Variants in RGL1 observed in about 807,000 individuals in gnomAD.
RGL1 encodes the protein ral guanine nucleotide dissociation stimulator like 1.
Under a neutral mutation model 95.2 loss-of-function variants are expected in RGL1, and 24 were observed. That is an observed-to-expected ratio of 0.25 (90% CI 0.18 to 0.35). The LOEUF (loss-of-function observed/expected upper bound fraction) is 0.35. Among genes scored for constraint, RGL1 ranks in the 10% least tolerant of loss-of-function variants. The probability of loss-of-function intolerance (pLI) is 1.00; values close to 1 mark genes in which losing one functional copy is unlikely to be tolerated. For synonymous variants in RGL1, 329 were observed against 344.9 expected (o/e 0.95, Z 0.51); for missense variants, 715 against 936.3 (o/e 0.76, Z 3.08).
chr1:183,735,294 C>T (rs1656872787), intron 1 of RGL1, among the ~76,000 whole-genome samples: 3 of 152,168 alleles, frequency 2.0e-5, no homozygotes, highest in African/African-American at 7.2e-5. Context: ...TTTGGAGACA[C>T]TATATAATTA....
intron 1 of RGL1, among the ~76,000 whole-genome samples, chr1:183,641,384 C>T (rs1190324998): frequency 6.6e-6 from 1 of 152,218 alleles, no homozygotes; most frequent in Non-Finnish European, 1.5e-5. Flanking sequence ...ATCTGCCAGC[C>T]TCGGCCTCTC....
At chr1:183,864,065 C>A (rs1558256860) in intron 3 of RGL1, among the ~76,000 whole-genome samples, 1 of 152,142 alleles carries the variant, frequency 6.6e-6, no homozygotes, top group African/African-American at 2.4e-5. Flanking sequence ...CACCTCAGCT[C>A]TGAGTCTGAA....
intron 3 of RGL1, among the ~76,000 whole-genome samples, chr1:183,861,749 C>T (rs1020492714): frequency 6.6e-6 from 1 of 152,186 alleles, no homozygotes; most frequent in Non-Finnish European, 1.5e-5. Flanking sequence ...CCTAGGGAGG[C>T]TTTGCAGAAA....
intron 2 of RGL1, among the ~76,000 whole-genome samples, chr1:183,743,775 AC>A (rs34055777): frequency 0.46 from 69,294 of 151,974 alleles, 16,882 homozygotes; most frequent in East Asian, 0.8. Context: ...TGGAATCATA[AC>A]AAGTGGAAAT....
chr1:183,741,076 A>G (rs1657269696), intron 1 of RGL1, among the ~76,000 whole-genome samples: 1 of 152,188 alleles, frequency 6.6e-6, no homozygotes, highest in Non-Finnish European at 1.5e-5. Flanking sequence ...CACCAGATGT[A>G]TCTGGGGTCC....
At chr1:183,867,552 T>C (rs113671891) in intron 4 of RGL1, among the ~76,000 whole-genome samples, 308 of 151,306 alleles carry the variant, frequency 2.0e-3, no homozygotes, top group African/African-American at 7.3e-3. Flanking sequence ...GGGGATGAAG[T>C]GGGGACAGTG....
chr1:183,732,736 C>T (rs956869882), intron 1 of RGL1, among the ~76,000 whole-genome samples: 2 of 152,100 alleles, frequency 1.3e-5, no homozygotes, highest in Non-Finnish European at 2.9e-5. Flanking sequence ...ATGAGAAAGC[C>T]AGGCTTGGTT....
chr1:183,790,030 C>CCTGCCTCA, intron 2 of RGL1, among the ~76,000 whole-genome samples: 1 of 152,000 alleles, frequency 6.6e-6, no homozygotes, highest in South Asian at 2.1e-4. Flanking sequence ...AAGCGATTCT[C>CCTGCCTCA]CTGCCTCAGC....
chr1:183,909,224 T>A (rs180987310), intron 14 of RGL1, among the ~76,000 whole-genome samples: 1 of 152,374 alleles, frequency 6.6e-6, no homozygotes, highest in Non-Finnish European at 1.5e-5. Flanking sequence ...TTTCATGATC[T>A]TCTTAGCATG....
At chr1:183,892,229 G>A (rs1355939207) in intron 9 of RGL1, 68 bp downstream of exon 9, 4 of 1,158,600 alleles carry the variant, frequency 3.5e-6, no homozygotes, top group African/African-American at 1.5e-5. Context: ...AGGAAGAGTA[G>A]TGTGAGGGCT....
intron 8 of RGL1, among the ~76,000 whole-genome samples, chr1:183,889,151 AC>A (rs1255226026): frequency 6.6e-6 from 1 of 152,100 alleles, no homozygotes; most frequent in Non-Finnish European, 1.5e-5. Flanking sequence ...ATAATTAACA[AC>A]TTGGTTTCCT....
At chr1:183,766,047 G>A (rs186590551) in intron 2 of RGL1, among the ~76,000 whole-genome samples, 185 of 151,650 alleles carry the variant, frequency 1.2e-3, no homozygotes, top group African/African-American at 4.1e-3. Context: ...AAACCTGCAC[G>A]TTGTGCATAT....
rs534786022 is a variant in RGL1, at chr1:183,790,097, T to A, written c.133-16278T>A. Among the ~76,000 whole-genome samples the A allele has an allele frequency of 2.2e-4, 33 of 151,912 alleles. No homozygotes were observed. In the East Asian group the frequency reaches 2.7e-3, roughly 13 times the overall value. ...CACCACACCCAGCTAATTTTTTTTT[T>A]AATTTTTTGGTAGAGGTGGGGTTTC... On this transcript the variant is annotated intron_variant, in intron 2 of 18. Coordinates refer to the RGL1 transcript ENST00000304685.
intron 2 of RGL1, among the ~76,000 whole-genome samples, chr1:183,821,140 T>TAAA (rs1662462198): frequency 6.6e-6 from 1 of 151,734 alleles, no homozygotes; most frequent in Non-Finnish European, 1.5e-5. Flanking sequence ...TCTAAAATAA[T>TAAA]AATAATAATA....
chr1:183,692,192 G>C (rs900108678), intron 1 of RGL1, among the ~76,000 whole-genome samples: 5 of 152,192 alleles, frequency 3.3e-5, no homozygotes, highest in Non-Finnish European at 1.5e-5. Context: ...GAGGAATGTA[G>C]TATCTTCAGA....
intron 1 of RGL1, among the ~76,000 whole-genome samples, chr1:183,710,581 G>C (rs1655200434): frequency 6.6e-6 from 1 of 152,128 alleles, no homozygotes; most frequent in Non-Finnish European, 1.5e-5. Context: ...AGGTTTAATT[G>C]ACTCATAGTT....
intron 1 of RGL1, among the ~76,000 whole-genome samples, chr1:183,734,752 A>G (rs1656828012): frequency 6.6e-6 from 1 of 152,212 alleles, no homozygotes; most frequent in African/African-American, 2.4e-5. Flanking sequence ...TAATTACTGA[A>G]CTTTTTATCG....
In RGL1 at chr1:183,686,933, T is replaced by C. The variant is rs556582428; in HGVS notation, c.-33+50432T>C. On this transcript the variant is annotated intron_variant, in intron 1 of 18. Transcript: ENST00000304685. ...CCCAAAGACTTCTCCATTTTAGCTATTGGCATCATTAGCTATCCATTTGCC... is the reference window on the plus strand; with the variant it reads ...CCCAAAGACTTCTCCATTTTAGCTACTGGCATCATTAGCTATCCATTTGCC... Among the ~76,000 whole-genome samples the C allele has an allele frequency of 5.3e-5, 8 of 152,332 alleles. 1 individual carries two copies. In the East Asian group the frequency reaches 1.5e-3, roughly 29 times the overall value.
chr1:183,813,585 G>T (rs12731812), intron 2 of RGL1, among the ~76,000 whole-genome samples: 37,301 of 152,108 alleles, frequency 0.25, 5,481 homozygotes, highest in Middle Eastern at 0.35. Flanking sequence ...CATGGAGAGA[G>T]AATAAATATG....
Sources: allele counts gnomAD v4.1 joint callset (sites outside exome capture counted in the v4.1 genomes callset), GRCh38; gene constraint gnomAD v4.1.1; transcripts MANE v1.5; gene names NCBI Gene and HGNC (gene_info 2026-07-23, HGNC 2026-07-21).